The following KIRREL3 variants were observed in gnomAD, a reference collection of about 807,000 sequenced individuals.
The protein encoded by KIRREL3 is kirre like nephrin family adhesion molecule 3.
Under a neutral mutation model 89.7 loss-of-function variants are expected in KIRREL3, and 36 were observed. The ratio of observed to expected loss-of-function variants is 0.40; its 90% CI spans 0.31 to 0.53. The LOEUF (loss-of-function observed/expected upper bound fraction) is 0.53, where lower values mean the gene tolerates loss of function less well. KIRREL3 is among the 20% of genes least tolerant of loss of function. The pLI is 0.49. For synonymous variants in KIRREL3, 445 were observed against 441.4 expected (o/e 1.01, Z -0.10); for missense variants, 864 against 1,056.6 (o/e 0.82, Z 2.53).
chr11:126,442,672 C>T (rs1412258219), intron 10 of KIRREL3, among the ~76,000 whole-genome samples: 1 of 152,238 alleles, frequency 6.6e-6, no homozygotes, highest in East Asian at 1.9e-4. Flanking sequence ...AGCCCATGCC[C>T]AGGTCCCATC....
chr11:126,540,787 T>G (rs998505670), intron 2 of KIRREL3, among the ~76,000 whole-genome samples: 17 of 150,426 alleles, frequency 1.1e-4, no homozygotes, highest in African/African-American at 3.9e-4. Context: ...GGTGGGGGAG[T>G]GGAGATGGGA....
At position 126,526,798 on chromosome 11, in the gene KIRREL3, GAAGCACC is replaced by G; in HGVS notation, c.134-118_134-112del. 1 of 1,192,736 alleles carries G rather than the reference GAAGCACC, an allele frequency of 8.4e-7. No homozygotes were observed. The highest frequency in any genetic ancestry group is 1.2e-6 in the Non-Finnish European group (1 of 847,182). 73.9% of individuals were successfully genotyped at this position (1,192,736 alleles called of 1,614,324 possible). ...GCTGGCGCAGGAGACTGAGCCTCCT[GAAGCACC>G]TGGCTTTCCTGCTGAGGGTCTGGTA... On this transcript the variant is annotated intron_variant, in intron 2 of 16. Coordinates refer to ENST00000525144, the MANE Select transcript of KIRREL3 (RefSeq NM_032531.4). The surrounding 1 kb of genome is among the most constrained non-coding windows in gnomAD (Gnocchi z 5.7).
chr11:126,662,851 G>C (rs942278433), intron 1 of KIRREL3, among the ~76,000 whole-genome samples: 6 of 151,386 alleles, frequency 4.0e-5, no homozygotes, highest in Non-Finnish European at 7.4e-5. Context: ...ACTTCAAATG[G>C]GTTCTCAACA....
At chr11:126,902,800 G>A (rs895202458) in intron 1 of KIRREL3, among the ~76,000 whole-genome samples, 2 of 152,204 alleles carry the variant, frequency 1.3e-5, no homozygotes, top group Admixed American at 6.5e-5. Context: ...TCATGGAAGA[G>A]ATGCAATTTT....
intron 5 of KIRREL3, among the ~76,000 whole-genome samples, chr11:126,469,862 C>T (rs767073871): frequency 1.3e-5 from 2 of 152,232 alleles, no homozygotes; most frequent in Non-Finnish European, 2.9e-5. Flanking sequence ...GGTGACTGTC[C>T]CCTGAGGAAT....
At chr11:126,552,466 T>G (rs1005944878) in intron 2 of KIRREL3, among the ~76,000 whole-genome samples, 5 of 151,988 alleles carry the variant, frequency 3.3e-5, no homozygotes, top group Non-Finnish European at 7.4e-5. Flanking sequence ...GACAGTTTTT[T>G]GCTTAGAAGT....
In KIRREL3 at chr11:126,683,657, G is replaced by A. The variant is rs1021009539; in HGVS notation, c.56-120745C>T. Among the ~76,000 whole-genome samples the A allele has an allele frequency of 1.3e-4, 20 of 152,202 alleles. No homozygotes were observed. Among genetic ancestry groups the A allele is most frequent in the African/African-American group, 4.3e-4 (18 of 41,446 alleles). Reference sequence around the variant, plus strand: ...AGGGCATTGACGGCAGAATCGTAAGGATCACAGAGACCTCAGGAACATGGC... The same window carrying A: ...AGGGCATTGACGGCAGAATCGTAAGAATCACAGAGACCTCAGGAACATGGC... On this transcript the variant is annotated intron_variant, in intron 1 of 16. Coordinates refer to ENST00000525144, the MANE Select transcript of KIRREL3 (RefSeq NM_032531.4). The surrounding 1 kb of genome is among the most constrained non-coding windows in gnomAD (Gnocchi z 5.2).
At chr11:127,001,175 G>C (rs1312016849), upstream of KIRREL3, 1 of 152,304 alleles carries the variant, frequency 6.6e-6, no homozygotes, top group Non-Finnish European at 1.5e-5. Context: ...TGGGCTGAAA[G>C]GGAACTAGGA....
In KIRREL3 at chr11:126,704,895, A is replaced by G. The variant is rs1033165205; in HGVS notation, c.56-141983T>C. ...AGTATTCTCCTCCTGCGACCATGCC[A>G]TGGGATGAAAGCCTCTGCCCTGTAT... On this transcript the variant is annotated intron_variant, in intron 1 of 16. Transcript: ENST00000525144. This position sits in a 1 kb window ranked among gnomAD's most constrained non-coding sequence, Gnocchi z 4.2. Among the ~76,000 whole-genome samples the G allele has an allele frequency of 6.6e-6, 1 of 152,208 alleles. No homozygotes were observed. The highest frequency in any genetic ancestry group is 1.9e-4 in the East Asian group (1 of 5,184).
rs1958618289 is a variant in KIRREL3, at chr11:126,522,126, G to A, written c.284-662C>T. Among the ~76,000 whole-genome samples the A allele has an allele frequency of 6.6e-6, 1 of 152,100 alleles. No individual in the cohort carries two copies. Among genetic ancestry groups the A allele is most frequent in the African/African-American group, 2.4e-5 (1 of 41,408 alleles). On this transcript the variant is annotated intron_variant, in intron 3 of 16. Coordinates refer to ENST00000525144, the MANE Select transcript of KIRREL3 (RefSeq NM_032531.4). The surrounding 1 kb of genome is among the most constrained non-coding windows in gnomAD (Gnocchi z 6.0). ...GGAAAGAGGGAGAAGAGATGGAAATGCTAAGCGTGGACAGACACCGCTGGC... is the reference window on the plus strand; with the variant it reads ...GGAAAGAGGGAGAAGAGATGGAAATACTAAGCGTGGACAGACACCGCTGGC...
intron 6 of KIRREL3, 41 bp from the exon 7 acceptor site, chr11:126,456,495 T>C: frequency 7.5e-7 from 1 of 1,336,614 alleles, no homozygotes; most frequent in Non-Finnish European, 1.0e-6. Flanking sequence ...GGAGAAAGAA[T>C]GGGGGCAGGG....
chr11:126,545,610 A>AAAAATAAAATAAAATAAAAT (rs200693654), intron 2 of KIRREL3, among the ~76,000 whole-genome samples: 1,677 of 148,312 alleles, frequency 0.011, 21 homozygotes, highest in African/African-American at 0.032. Context: ...CTCAATTTTT[A>AAAAATAAAATAAAATAAAAT]AAAATAAAAT....
rs1301221974 is a variant in KIRREL3 at position 126,546,492 on chromosome 11, C to T, written c.133+16343G>A. 2.0e-5 allele frequency among the ~76,000 whole-genome samples: 3 copies of T among 152,250 alleles called. No individual in the cohort carries two copies. The East Asian group carries it at 5.8e-4, about 29-fold the overall frequency. ...GACCAGGCACAGAGCCTGTGCTGAC[C>T]TCCCCAGCACAACCTGGGGGCAGAA... On this transcript the variant is annotated intron_variant, in intron 2 of 16. Coordinates refer to ENST00000525144, the MANE Select transcript of KIRREL3 (RefSeq NM_032531.4).
At chr11:126,469,600 C>T (rs892219374) in intron 5 of KIRREL3, among the ~76,000 whole-genome samples, 7 of 152,226 alleles carry the variant, frequency 4.6e-5, no homozygotes, top group Non-Finnish European at 7.3e-5. Context: ...CACACAGCCC[C>T]GTGCCTGGGG....
chr11:126,667,464 G>A (rs1318700706), intron 1 of KIRREL3, among the ~76,000 whole-genome samples: 1 of 152,214 alleles, frequency 6.6e-6, no homozygotes, highest in Admixed American at 6.5e-5. Flanking sequence ...AGAAAATAGT[G>A]GGTTTTTAAG....
intron 1 of KIRREL3, among the ~76,000 whole-genome samples, chr11:126,630,714 A>C (rs530226208): frequency 6.6e-6 from 1 of 152,178 alleles, no homozygotes. Context: ...TTTTAGAAGC[A>C]TGCCTCACTC....
chr11:126,881,422 C>T (rs748163149), intron 1 of KIRREL3, among the ~76,000 whole-genome samples: 1 of 151,920 alleles, frequency 6.6e-6, no homozygotes. Context: ...CTGGTTTAAT[C>T]AGTCAGCGTC....
At chr11:126,665,172 GA>G (rs1945600242) in intron 1 of KIRREL3, among the ~76,000 whole-genome samples, 1 of 152,230 alleles carries the variant, frequency 6.6e-6, no homozygotes, top group Admixed American at 6.5e-5. Context: ...TCCATGTGTG[GA>G]AAAACAGAGC....
At chr11:126,435,189 C>G (rs188475414) in intron 13 of KIRREL3, 79 bp downstream of exon 13, 8 of 1,474,416 alleles carry the variant, frequency 5.4e-6, no homozygotes, top group East Asian at 2.3e-5. Context: ...CTCCCTACCC[C>G]CTGCTGGGTT....
Sources: gnomAD v4.1 joint callset for allele counts (sites outside exome capture counted in the v4.1 genomes callset) on GRCh38, gnomAD v4.1.1 for gene constraint, Gnocchi (gnomAD v3.1) non-coding constraint, MANE v1.5 for transcripts, NCBI Gene and HGNC (gene_info 2026-07-23, HGNC 2026-07-21) for gene names.